ERC1: variants seen among roughly 807,000 people sequenced by gnomAD.
ERC1 encodes the protein ELKS/RAB6-interacting/CAST family member 1, also known as RAB6 interacting protein 2.
ERC1 carries 56 observed loss-of-function variants against 132.0 expected under a neutral mutation model. That is an observed-to-expected ratio of 0.42 (90% CI 0.34 to 0.53). The LOEUF (loss-of-function observed/expected upper bound fraction) is 0.53, where lower values mean the gene tolerates loss of function less well. Among genes scored for constraint, ERC1 ranks in the 20% least tolerant of loss-of-function variants. The probability of loss-of-function intolerance (pLI) is 0.03; values close to 1 mark genes in which losing one functional copy is unlikely to be tolerated. For missense variants in ERC1, 1,202 were observed against 1,349.9 expected (o/e 0.89, Z 1.72); for synonymous variants, 478 against 476.1 (o/e 1.00, Z -0.05).
At chr12:1,164,670 G>A (rs1375505229) in intron 8 of ERC1, among the ~76,000 whole-genome samples, 1 of 152,166 alleles carries the variant, frequency 6.6e-6, no homozygotes, top group African/African-American at 2.4e-5. Context: ...CAGGGTGGTG[G>A]TGGTGTCAAG....
At position 1,391,450 on chromosome 12, in the gene ERC1, T is replaced by C. The variant is rs547723989; in HGVS notation, c.2926-16699T>C. 2.0e-5 allele frequency: 3 copies of C among 147,752 alleles called. No homozygotes were observed. The South Asian group carries it at 6.4e-4, about 32-fold the overall frequency. 9.2% of individuals were successfully genotyped at this position (147,752 alleles called of 1,614,324 possible). ...GGTGAAGGAAGGGGGGCCTGGTTAC[T>C]GCTGTGCGGTAGTGAAGGTCCGACT... On this transcript the variant is annotated intron_variant, in intron 16 of 18. Transcript: ENST00000360905.
At chr12:1,122,703 C>CTATCTCTATCTGTATCTGTGCCTAT (rs1202737827) in intron 7 of ERC1, among the ~76,000 whole-genome samples, 1 of 152,058 alleles carries the variant, frequency 6.6e-6, no homozygotes, top group Non-Finnish European at 1.5e-5. Context: ...ATCTAAATCT[C>CTATCTCTATCTGTATCTGTGCCTAT]TGAAACAGCT....
At chr12:1,131,112 A>T (rs1948722770) in intron 7 of ERC1, among the ~76,000 whole-genome samples, 1 of 152,232 alleles carries the variant, frequency 6.6e-6, no homozygotes, top group Admixed American at 6.5e-5. Flanking sequence ...TCAATGGAAG[A>T]TGTGGTTTAA....
chr12:1,459,810 T>TG (rs1434070003), intron 18 of ERC1, among the ~76,000 whole-genome samples: 1 of 152,226 alleles, frequency 6.6e-6, no homozygotes, highest in Non-Finnish European at 1.5e-5. Context: ...TCTCCAGTAG[T>TG]GGGACACGTC....
intron 13 of ERC1, among the ~76,000 whole-genome samples, chr12:1,242,150 C>A (rs1161718029): frequency 6.6e-6 from 1 of 152,056 alleles, no homozygotes; most frequent in African/African-American, 2.4e-5. Flanking sequence ...TTTTGCATTT[C>A]TTTTGCCCTT....
intron 15 of ERC1, among the ~76,000 whole-genome samples, chr12:1,320,067 G>A (rs867426375): frequency 2.0e-5 from 3 of 152,110 alleles, no homozygotes; most frequent in Non-Finnish European, 4.4e-5. Flanking sequence ...CAAGTGCTTT[G>A]TGTTCCAGTG....
intron 15 of ERC1, among the ~76,000 whole-genome samples, chr12:1,296,830 C>T (rs2079990417): frequency 6.6e-6 from 1 of 152,172 alleles, no homozygotes; most frequent in Non-Finnish European, 1.5e-5. Context: ...AACAGAGCCT[C>T]AGTGACATGT....
intron 15 of ERC1, among the ~76,000 whole-genome samples, chr12:1,344,852 G>A (rs2084285390): frequency 1.3e-5 from 2 of 152,132 alleles, no homozygotes; most frequent in Admixed American, 1.3e-4. Context: ...CTTGTCTAGG[G>A]TCATACAACT....
intron 17 of ERC1, among the ~76,000 whole-genome samples, chr12:1,431,005 T>C (rs1191958839): frequency 6.6e-6 from 1 of 152,206 alleles, no homozygotes; most frequent in African/African-American, 2.4e-5. Flanking sequence ...CTCTCTTGGT[T>C]GAGAAAATAG....
chr12:1,294,407 T>C (rs1326434980), intron 15 of ERC1, among the ~76,000 whole-genome samples: 3 of 152,192 alleles, frequency 2.0e-5, no homozygotes, highest in Non-Finnish European at 4.4e-5. Flanking sequence ...AAGGTCTAAG[T>C]AACAAATAAA....
intron 1 of ERC1, among the ~76,000 whole-genome samples, chr12:1,027,077 T>A (rs1592777550): frequency 6.6e-6 from 1 of 152,244 alleles, no homozygotes; most frequent in Non-Finnish European, 1.5e-5. Context: ...TAAAATGTTA[T>A]AGTTTTTTTC....
chr12:1,076,503 T>C (rs1439841665), intron 2 of ERC1, among the ~76,000 whole-genome samples: 2 of 151,550 alleles, frequency 1.3e-5, no homozygotes, highest in African/African-American at 4.8e-5. Context: ...CTAGCAATTC[T>C]CCTGCCTCAG....
intron 2 of ERC1, among the ~76,000 whole-genome samples, chr12:1,059,071 T>C (rs1252914895): frequency 6.6e-6 from 1 of 152,226 alleles, no homozygotes; most frequent in Non-Finnish European, 1.5e-5. Context: ...GTTCAATTTA[T>C]TCTTAGAGTT....
At chr12:1,398,947 TTTTTTTTTTTTTTG>T (rs1437535718) in intron 16 of ERC1, among the ~76,000 whole-genome samples, 32 of 96,774 alleles carry the variant, frequency 3.3e-4, no homozygotes, top group African/African-American at 1.4e-3. Context: ...TTTTTTTTTT[TTTTTTTTTTTTTTG>T]TTGAAACAAG....
intron 7 of ERC1, among the ~76,000 whole-genome samples, chr12:1,122,223 ATCTCTATCTCTATCTGTGTC>A (rs1218687814): frequency 6.8e-5 from 3 of 43,982 alleles, no homozygotes; most frequent in African/African-American, 2.4e-4. Flanking sequence ...CTCTATCTCT[ATCTCTATCTCTATCTGTGTC>A]TCTATCTCTA....
At chr12:1,138,200 T>TA (rs1481103008) in intron 7 of ERC1, among the ~76,000 whole-genome samples, 9 of 123,024 alleles carry the variant, frequency 7.3e-5, no homozygotes, top group African/African-American at 3.0e-4. Context: ...TATAATTATA[T>TA]ATGATATATA....
chr12:1,031,207 G>A (rs1477204963), intron 2 of ERC1, among the ~76,000 whole-genome samples: 1 of 152,082 alleles, frequency 6.6e-6, no homozygotes, highest in East Asian at 1.9e-4. Flanking sequence ...GAAAAGCATA[G>A]ATATGAAAGC....
chr12:1,345,065 C>T (rs1430384516), intron 15 of ERC1, among the ~76,000 whole-genome samples: 1 of 152,080 alleles, frequency 6.6e-6, no homozygotes, highest in Non-Finnish European at 1.5e-5. Context: ...AGCAGGATTC[C>T]TGTCATATTC....
chr12:1,240,224 C>T lies in ERC1; in HGVS notation c.2487+3320C>T, dbSNP rs377763005. On this transcript the variant is annotated intron_variant, in intron 13 of 18. Transcript: ENST00000360905. Reference sequence around the variant, plus strand: ...AATAATTTGGAGATTGCTGGGACACCAGTGCCCTAACACTGGGATTTACTT... The same window carrying T: ...AATAATTTGGAGATTGCTGGGACACTAGTGCCCTAACACTGGGATTTACTT... Among the ~76,000 whole-genome samples, 25 of 152,306 alleles carry T rather than the reference C, an allele frequency of 1.6e-4. No individual in the cohort carries two copies. In the East Asian group the frequency reaches 4.6e-3, roughly 28 times the overall value.
Sources: gnomAD v4.1 joint callset for allele counts (sites outside exome capture counted in the v4.1 genomes callset) on GRCh38, gnomAD v4.1.1 for gene constraint, MANE v1.5 for transcripts, NCBI Gene and HGNC (gene_info 2026-07-23, HGNC 2026-07-21) for gene names.